Variants in ASPSCR1 observed in about 807,000 individuals in gnomAD.
ASPSCR1 encodes tether containing UBX domain for GLUT4.
ASPSCR1 carries 55 observed loss-of-function variants against 68.9 expected under a neutral mutation model. That is an observed-to-expected ratio of 0.80 (90% confidence interval 0.64 to 1.00). The LOEUF (loss-of-function observed/expected upper bound fraction) is 1.00. ASPSCR1 is among the 50% of genes least tolerant of loss of function. The probability of loss-of-function intolerance (pLI) is 0.00; values close to 1 mark genes in which losing one functional copy is unlikely to be tolerated. For missense variants in ASPSCR1, 765 were observed against 762.2 expected (o/e 1.00, Z -0.04); for synonymous variants, 352 against 332.6 (o/e 1.06, Z -0.63).
In ASPSCR1 at chr17:82,009,264, T is replaced by C. The variant is rs1031966882; in HGVS notation, c.1088+73T>C. 6.3e-5 allele frequency: 94 copies of C among 1,494,696 alleles called. No homozygotes were observed. In the Middle Eastern group the frequency reaches 8.9e-4, roughly 14 times the overall value. The allele number at this position is 1,494,696 out of a possible 1,614,324, so 92.6% of individuals were successfully genotyped here. ...CCCATCGGGTGCTTGTGCTGCCCGC[T>C]GTCCCCAGTGCCAGCACTGGCTCCC... On this transcript the variant is annotated intron_variant, in intron 8 of 15. Transcript: ENST00000306739.
chr17:81,997,853 T>C (rs1227303467), intron 7 of ASPSCR1, among the ~76,000 whole-genome samples: 1 of 137,092 alleles, frequency 7.3e-6, no homozygotes, highest in African/African-American at 2.8e-5. Flanking sequence ...TGAGATGGAG[T>C]TTTGCTTCTG....
chr17:81,995,666 G>T, intron 5 of ASPSCR1: 1 of 523,848 alleles, frequency 1.9e-6, no homozygotes, highest in South Asian at 2.1e-5. Flanking sequence ...CTCGCTCCGG[G>T]CAGTGGGTCC....
rs2042468427 is a variant in ASPSCR1, at chr17:81,999,788, C to G, written c.933+2942C>G. ...TCTGGCCACTTCTGAGTGAAGCAAC[C>G]TCATGCCTCCCTCTTGCCTCCCGGC... On this transcript the variant is annotated intron_variant, in intron 7 of 15. Coordinates refer to ENST00000306739, the MANE Select transcript of ASPSCR1 (RefSeq NM_024083.4). The surrounding 1 kb of genome is among the most constrained non-coding windows in gnomAD (Gnocchi z 4.4). Among the ~76,000 whole-genome samples the G allele has an allele frequency of 6.6e-6, 1 of 152,166 alleles. No individual in the cohort carries two copies. Among genetic ancestry groups the G allele is most frequent in the South Asian group, 2.1e-4 (1 of 4,830 alleles).
intron 2 of ASPSCR1, among the ~76,000 whole-genome samples, chr17:81,979,636 G>T (rs2041730040): frequency 6.6e-6 from 1 of 152,170 alleles, no homozygotes; most frequent in African/African-American, 2.4e-5. Context: ...AGAGGTCCTG[G>T]GGGTGAGGAC....
chr17:82,010,361 C>T lies in ASPSCR1; in HGVS notation c.1171-441C>T, dbSNP rs554470763. On this transcript the variant is annotated intron_variant, in intron 9 of 15. Transcript: ENST00000306739. ...TGGCTGACACGGTGAAACCCCATCT[C>T]TACTAAAAATACAAAAAATTAGTCA... Among the ~76,000 whole-genome samples, 344 of 151,498 alleles carry T rather than the reference C, an allele frequency of 2.3e-3. 1 individual carries two copies. The highest frequency in any genetic ancestry group is 5.5e-3 in the Admixed American group (84 of 15,262).
chr17:82,009,518 A>G lies in ASPSCR1; in HGVS notation c.1121A>G (p.Lys374Arg). The change falls in exon 9 of 16, where the codon AAG becomes AGG. Residue 374 changes from lysine (K) to arginine (R), a missense_variant. By Grantham distance (26) the Lys-to-Arg change is conservative. Coordinates refer to ENST00000306739, the MANE Select transcript of ASPSCR1 (RefSeq NM_024083.4). The part of the protein sequence containing the change: ...KRLEEAPLVT[K>R]AFREAQIKEK... The stretch of plus-strand genomic sequence containing the variant: ...CTGGAAGAAGCCCCCTTGGTGACCA[A>G]GGCCTTCAGGGAGGCGCAGATAAAG... The G allele has an allele frequency of 6.4e-7, 1 of 1,571,516 alleles. No homozygotes were observed. The highest frequency in any genetic ancestry group is 8.6e-7 in the Non-Finnish European group (1 of 1,160,070).
chr17:81,978,877 G>A (rs1368216842), intron 1 of ASPSCR1: 3 of 459,586 alleles, frequency 6.5e-6, no homozygotes, highest in African/African-American at 6.0e-5. Context: ...AGAACTACAG[G>A]GTTTGAAGGA....
chr17:81,996,582 C>T lies in ASPSCR1; in HGVS notation c.669C>T (p.Pro223=). Reference sequence around the variant, plus strand: ...CGGAGGACGCGGACACCTCAGGGCCCTGCTGCGAGCACACTCAGGAGAAGC... The same window carrying T: ...CGGAGGACGCGGACACCTCAGGGCCTTGCTGCGAGCACACTCAGGAGAAGC... ...SRPEDADTSG[P]CCEHTQEKQS... The change falls in exon 7 of 16, where the codon CCC becomes CCT. Residue 223 remains proline (P), a synonymous_variant. Coordinates refer to ENST00000306739, the MANE Select transcript of ASPSCR1 (RefSeq NM_024083.4). The T allele has an allele frequency of 6.2e-7, 1 of 1,611,830 alleles. No homozygotes were observed. The highest frequency in any genetic ancestry group is 1.1e-5 in the South Asian group (1 of 91,032).
At chr17:81,997,953 A>G (rs1161423635) in intron 7 of ASPSCR1, among the ~76,000 whole-genome samples, 1 of 151,398 alleles carries the variant, frequency 6.6e-6, no homozygotes, top group East Asian at 2.0e-4. Flanking sequence ...CAGCCTCCCA[A>G]GTAGCTGGGA....
chr17:81,985,725 T>C, intron 4 of ASPSCR1, 118 bp downstream of exon 4: 1 of 1,027,568 alleles, frequency 9.7e-7, no homozygotes. Context: ...TGGTGCCTCT[T>C]GGCACTTTGC....
At chr17:81,982,125 T>C (rs1015089947) in intron 2 of ASPSCR1, among the ~76,000 whole-genome samples, 4 of 151,174 alleles carry the variant, frequency 2.6e-5, no homozygotes, top group African/African-American at 9.7e-5. Flanking sequence ...TGTGCCACCA[T>C]GCCTGGCTAA....
At chr17:82,012,175 C>A (rs1042581605) in intron 11 of ASPSCR1, 56 bp from the exon 12 acceptor site, 10 of 1,568,510 alleles carry the variant, frequency 6.4e-6, no homozygotes, top group Middle Eastern at 3.3e-4. Context: ...CCTTCGGGCG[C>A]ATGGATGGGC....
At position 82,016,843 on chromosome 17, in the gene ASPSCR1, A is replaced by G; in HGVS notation, c.1449A>G (p.Pro483=). 1.2e-6 allele frequency: 2 copies of G among 1,612,002 alleles called. No individual in the cohort carries two copies. The highest frequency in any genetic ancestry group is 1.7e-6 in the Non-Finnish European group (2 of 1,179,930). Reference sequence around the variant, plus strand: ...GCCTGCTGGAGCATGCCATCTCCCCATCTGCGGCCGATGTGCTGGTGGCCA... The same window carrying G: ...GCCTGCTGGAGCATGCCATCTCCCCGTCTGCGGCCGATGTGCTGGTGGCCA... ...EPGLLEHAIS[P]SAADVLVARY... Residue 483 remains proline (P), a synonymous_variant, in exon 14 of 16, where the codon CCA becomes CCG. Transcript: ENST00000306739.
At chr17:82,008,389 G>C (rs1259076966) in intron 7 of ASPSCR1, 1 of 152,382 alleles carries the variant, frequency 6.6e-6, no homozygotes, top group African/African-American at 2.4e-5. Flanking sequence ...TGTGAGGGGG[G>C]ACGGGGCCGA....
At position 81,986,832 on chromosome 17, in the gene ASPSCR1, A is replaced by G. The variant is rs2042007815; in HGVS notation, c.374+1225A>G. The stretch of plus-strand genomic sequence containing the variant: ...CCGTCTGACAGTAGTGCCGCGCTGC[A>G]TGGCACGGGTGTTGCGTTCGTGGGT... On this transcript the variant is annotated intron_variant, in intron 4 of 15. Coordinates refer to ENST00000306739, the MANE Select transcript of ASPSCR1 (RefSeq NM_024083.4). The surrounding 1 kb of genome is among the most constrained non-coding windows in gnomAD (Gnocchi z 5.2). Among the ~76,000 whole-genome samples the G allele has an allele frequency of 6.6e-6, 1 of 151,420 alleles. No homozygotes were observed. Among genetic ancestry groups the G allele is most frequent in the African/African-American group, 2.4e-5 (1 of 40,974 alleles).
chr17:81,991,886 ACTCACTGC>A (rs1396879308), intron 4 of ASPSCR1, among the ~76,000 whole-genome samples: 2 of 152,108 alleles, frequency 1.3e-5, no homozygotes, highest in East Asian at 3.9e-4. Context: ...AGAGCTCTAG[ACTCACTGC>A]CTTGTCCCCA....
At position 82,005,851 on chromosome 17, in the gene ASPSCR1, G is replaced by C. The variant is rs534055381; in HGVS notation, c.934-3186G>C. 2.6e-5 allele frequency: 4 copies of C among 152,464 alleles called. No homozygotes were observed. The East Asian group carries it at 7.7e-4, about 29-fold the overall frequency. 9.4% of individuals were successfully genotyped at this position (152,464 alleles called of 1,614,324 possible). ...CTCCAGCCCCAGCGTGACCGTGTGTGTGGGAAAACCGTCCGGGTACTTGGG... is the reference window on the plus strand; with the variant it reads ...CTCCAGCCCCAGCGTGACCGTGTGTCTGGGAAAACCGTCCGGGTACTTGGG... On this transcript the variant is annotated intron_variant, in intron 7 of 15. Transcript: ENST00000306739.
rs557084421 is a variant in ASPSCR1, at chr17:81,983,867, T to C, written c.273+199T>C. Among the ~76,000 whole-genome samples, 13 of 152,006 alleles carry C rather than the reference T, an allele frequency of 8.6e-5. No individual in the cohort carries two copies. The South Asian group carries it at 2.7e-3, about 32-fold the overall frequency. ...ACTGAAAATGAGCATCTCATGTTTT[T>C]TTTTTTTTGAGCTGGAGTCTCGCTC... On this transcript the variant is annotated intron_variant, in intron 3 of 15. Transcript: ENST00000306739. This position sits in a 1 kb window ranked among gnomAD's most constrained non-coding sequence, Gnocchi z 4.4.
intron 12 of ASPSCR1, among the ~76,000 whole-genome samples, chr17:82,012,523 T>C (rs2042985594): frequency 1.3e-5 from 2 of 152,240 alleles, no homozygotes; most frequent in Middle Eastern, 6.8e-3. Flanking sequence ...CTAGGCGGCC[T>C]GCCTGAACTG....
Sources: allele counts gnomAD v4.1 joint callset (sites outside exome capture counted in the v4.1 genomes callset), GRCh38; gene constraint gnomAD v4.1.1; non-coding constraint Gnocchi (gnomAD v3.1); transcripts MANE v1.5; gene names NCBI Gene and HGNC (gene_info 2026-07-23, HGNC 2026-07-21).